ZNF469: variants seen among roughly 807,000 people sequenced by gnomAD.
The protein encoded by ZNF469 is zinc finger protein 469.
In ZNF469, 1 loss-of-function variant was observed where a neutral mutation model predicts 1.0. That is an observed-to-expected ratio of 1.00 (90% CI 0.35 to 4.73). The LOEUF (loss-of-function observed/expected upper bound fraction) is 4.73. Ranked by LOEUF, ZNF469 falls within the 30% of genes most tolerant of loss-of-function variation. The probability of loss-of-function intolerance (pLI) is 0.16; values close to 1 mark genes in which losing one functional copy is unlikely to be tolerated. For missense variants in ZNF469, 6,100 were observed against 5,356.3 expected, an observed-to-expected ratio of 1.14 and a Z score of -4.33; for synonymous variants, 2,703 against 2,363.4, an observed-to-expected ratio of 1.14 and a Z score of -4.17.
chr16:88,131,789 G>A, the ZNF469 span, among the ~76,000 whole-genome samples: 3 of 152,236 alleles, frequency 2.0e-5, no homozygotes, highest in African/African-American at 7.2e-5. Flanking sequence ...GGGTTTGGCT[G>A]TTGCCTAGAT....
chr16:88,130,885 G>A, the ZNF469 span, among the ~76,000 whole-genome samples: 6 of 152,212 alleles, frequency 3.9e-5, no homozygotes, highest in Non-Finnish European at 7.3e-5. Context: ...AAGGCCCCGC[G>A]GAGTGGGGGT....
chr16:88,204,252 G>T, the ZNF469 span, among the ~76,000 whole-genome samples: 3 of 151,768 alleles, frequency 2.0e-5, no homozygotes, highest in Non-Finnish European at 4.4e-5. Flanking sequence ...AGCGGGAGGC[G>T]CACCATAACC....
the ZNF469 span, among the ~76,000 whole-genome samples, chr16:88,161,735 GA>G: frequency 6.6e-6 from 1 of 152,302 alleles, no homozygotes; most frequent in Non-Finnish European, 1.5e-5. Flanking sequence ...CTAGCTCAAG[GA>G]AAGAAAAGAA....
chr16:88,108,535 G>T, the ZNF469 span, among the ~76,000 whole-genome samples: 39 of 152,204 alleles, frequency 2.6e-4, no homozygotes, highest in African/African-American at 9.4e-4. Context: ...ACTTCTGGGG[G>T]TGAGGATCTT....
Position 88,438,849 on chromosome 16 carries a change from A to C in ZNF469, c.11379A>C (p.Pro3793=). ...RAQAKSCTKG[P]REAGEQGPHG... is the part of the protein sequence containing the mutation. ...AAGCCAAGAGCTGCACCAAGGGGCC[A>C]AGGGAAGCTGGTGAGCAGGGGCCCC... is the stretch of plus-strand genomic sequence containing the variant. The change falls in exon 3 of 3, where the codon CCA becomes CCC. Residue 3793 remains proline, a synonymous_variant. Transcript: ENST00000565624. 6.5e-7 allele frequency: 1 copy of C among 1,550,374 alleles called. No homozygotes were observed. The highest frequency in any genetic ancestry group is 1.2e-5 in the South Asian group (1 of 84,052).
At chr16:88,369,209 C>A in the ZNF469 span, among the ~76,000 whole-genome samples, 7 of 152,194 alleles carry the variant, frequency 4.6e-5, no homozygotes, top group Non-Finnish European at 8.8e-5. Flanking sequence ...CATGGATTCC[C>A]CTCGCCATTC....
chr16:88,426,643 TGGCAGGGAGACCCTGGCTGAC>T (rs1269014423), intron 2 of ZNF469, among the ~76,000 whole-genome samples: 2 of 152,220 alleles, frequency 1.3e-5, no homozygotes, highest in African/African-American at 4.8e-5. Flanking sequence ...TAAGGCCTGG[TGGCAGGGAGACCCTGGCTGAC>T]GGCAGGATCT....
chr16:88,350,616 C>T, the ZNF469 span, among the ~76,000 whole-genome samples: 5 of 152,348 alleles, frequency 3.3e-5, no homozygotes, highest in South Asian at 2.1e-4. Flanking sequence ...ATCATGATTC[C>T]GGAACCTCAC....
chr16:88,188,302 C>T, the ZNF469 span, among the ~76,000 whole-genome samples: 1 of 152,078 alleles, frequency 6.6e-6, no homozygotes, highest in South Asian at 2.1e-4. Context: ...AACTGTGCAT[C>T]TCACTTGGGT....
At chr16:88,132,501 C>A in the ZNF469 span, among the ~76,000 whole-genome samples, 1 of 152,256 alleles carries the variant, frequency 6.6e-6, no homozygotes, top group Non-Finnish European at 1.5e-5. Context: ...CCCAACAACA[C>A]GTGGCCGTCC....
chr16:88,166,590 G>A, the ZNF469 span, among the ~76,000 whole-genome samples: 2 of 152,042 alleles, frequency 1.3e-5, no homozygotes, highest in Admixed American at 1.3e-4. This position sits in a 1 kb window ranked among gnomAD's most constrained non-coding sequence, Gnocchi z 4.5. Context: ...GGCAACCATT[G>A]TCCTGACTGT....
chr16:88,259,795 C>T, the ZNF469 span, among the ~76,000 whole-genome samples: 1 of 152,186 alleles, frequency 6.6e-6, no homozygotes, highest in East Asian at 1.9e-4. This position sits in a 1 kb window ranked among gnomAD's most constrained non-coding sequence, Gnocchi z 4.1. Flanking sequence ...AGGGAGAGAC[C>T]CCTGACCCTG....
chr16:88,331,805 CTCATCACCACCATCACTATCATCACCA>C, the ZNF469 span, among the ~76,000 whole-genome samples: 112 of 134,400 alleles, frequency 8.3e-4, no homozygotes, highest in Non-Finnish European at 1.6e-3. Flanking sequence ...CATCATCATT[CTCATCACCACCATCACTATCATCACCA>C]TCATCACCAC....
chr16:88,106,607 G>A, the ZNF469 span, among the ~76,000 whole-genome samples: 1 of 152,252 alleles, frequency 6.6e-6, no homozygotes, highest in African/African-American at 2.4e-5. Context: ...ACCCGGAGCA[G>A]CCCCCACTGT....
At position 88,430,200 on chromosome 16, in the gene ZNF469, C is replaced by G. The variant is rs546435811; in HGVS notation, c.2730C>G (p.Thr910=). 2.6e-6 allele frequency: 4 copies of G among 1,546,330 alleles called. No homozygotes were observed. The Admixed American group carries it at 5.9e-5, about 23-fold the overall frequency. Residue 910 remains threonine (T), a synonymous_variant, in exon 3 of 3, where the codon ACC becomes ACG. Coordinates refer to ENST00000565624, the MANE Select transcript of ZNF469 (RefSeq NM_001367624.2). ...CAGCAGCCACGCCGGACCCCCAAACCCCCCGCCCTGGGGACAGGGGCTGCC... is the reference window on the plus strand; with the variant it reads ...CAGCAGCCACGCCGGACCCCCAAACGCCCCGCCCTGGGGACAGGGGCTGCC... The part of the protein sequence containing the change: ...PLPAATPDPQ[T]PRPGDRGCPA...
chr16:88,376,622 T>C, the ZNF469 span, among the ~76,000 whole-genome samples: 1 of 152,244 alleles, frequency 6.6e-6, no homozygotes, highest in Admixed American at 6.5e-5. Flanking sequence ...ATTCCCATTT[T>C]GAAGGTCTGC....
At chr16:88,163,122 A>G in the ZNF469 span, among the ~76,000 whole-genome samples, 1 of 145,612 alleles carries the variant, frequency 6.9e-6, no homozygotes, top group African/African-American at 2.6e-5. Context: ...TATGAGTGGC[A>G]TAAGTGGATG....
chr16:88,415,102 A>G (rs1905270351), intron 1 of ZNF469, among the ~76,000 whole-genome samples: 1 of 152,162 alleles, frequency 6.6e-6, no homozygotes, highest in African/African-American at 2.4e-5. Flanking sequence ...CCCCTCTCTG[A>G]GCCTCGGTTT....
rs1251278643 is a variant in ZNF469 at position 88,432,892 on chromosome 16, G to A, written c.5422G>A (p.Ala1808Thr). The change falls in exon 3 of 3, where the codon GCA becomes ACA. Residue 1808 changes from alanine to threonine, a missense_variant. By Grantham distance (58) the Ala-to-Thr change is moderately conservative. Coordinates refer to ENST00000565624, the MANE Select transcript of ZNF469 (RefSeq NM_001367624.2). Reference protein sequence around the residue: ...SPAVHLAPDLAFQGDGAPPLD... With the variant: ...SPAVHLAPDLTFQGDGAPPLD... ...TGCTGTCCATCTGGCCCCTGACTTG[G>A]CATTTCAGGGTGACGGGGCTCCACC... 8 of 1,550,372 alleles carry A rather than the reference G, an allele frequency of 5.2e-6. No individual in the cohort carries two copies. The highest frequency in any genetic ancestry group is 7.0e-6 in the Non-Finnish European group (8 of 1,146,972).
Sources: allele counts gnomAD v4.1 joint callset (sites outside exome capture counted in the v4.1 genomes callset), GRCh38; gene constraint gnomAD v4.1.1; non-coding constraint Gnocchi (gnomAD v3.1); transcripts MANE v1.5; gene names NCBI Gene and HGNC (gene_info 2026-07-23, HGNC 2026-07-21).